CCDC192: variants seen among roughly 807,000 people sequenced by gnomAD.
CCDC192 encodes the protein coiled-coil domain containing 192, also known as coiled-coil domain-containing protein 192.
intron 5 of CCDC192, among the ~76,000 whole-genome samples, chr5:127,840,877 G>C (rs746443382): frequency 6.6e-6 from 1 of 152,148 alleles, no homozygotes; most frequent in Non-Finnish European, 1.5e-5. Flanking sequence ...TACCATGTGG[G>C]TTTTTAAGTT....
At chr5:127,749,232 G>T (rs199571317) in intron 2 of CCDC192, among the ~76,000 whole-genome samples, 2,869 of 151,886 alleles carry the variant, frequency 0.019, 84 homozygotes, top group African/African-American at 0.064. Flanking sequence ...CCATTCAGTA[G>T]GATATTGGCT....
At chr5:127,931,418 A>G (rs1340962305) in intron 6 of CCDC192, among the ~76,000 whole-genome samples, 1 of 152,210 alleles carries the variant, frequency 6.6e-6, no homozygotes. Context: ...TGCAAGGACC[A>G]TGGATGCATT....
chr5:127,904,167 C>T (rs115383623), intron 6 of CCDC192, among the ~76,000 whole-genome samples: 57 of 152,176 alleles, frequency 3.7e-4, no homozygotes, highest in African/African-American at 1.2e-3. Flanking sequence ...AAGGGAGCCA[C>T]GAACCAAGAA....
At chr5:127,786,824 C>A in intron 3 of CCDC192, 2 of 541,312 alleles carry the variant, frequency 3.7e-6, no homozygotes, top group South Asian at 3.6e-5. Flanking sequence ...CAGGTGTCTG[C>A]CCCTTTTTTG....
At chr5:127,895,456 ATTAT>A (rs1752853588) in intron 6 of CCDC192, among the ~76,000 whole-genome samples, 5 of 152,226 alleles carry the variant, frequency 3.3e-5, no homozygotes, top group Admixed American at 2.6e-4. Flanking sequence ...GTCTTGAATG[ATTAT>A]TTGTTTTAAT....
intron 2 of CCDC192, among the ~76,000 whole-genome samples, chr5:127,719,534 CAT>C (rs1158638020): frequency 0.12 from 5,042 of 42,144 alleles, 351 homozygotes; most frequent in African/African-American, 0.21. Flanking sequence ...TACACACATA[CAT>C]ATATATATAT....
intron 6 of CCDC192, among the ~76,000 whole-genome samples, chr5:127,939,070 C>T (rs1754277029): frequency 6.6e-6 from 1 of 151,392 alleles, no homozygotes; most frequent in Non-Finnish European, 1.5e-5. Flanking sequence ...AGCTGTTTTC[C>T]CGTTGCTTGT....
At chr5:127,825,464 A>T (rs2127028974) in intron 5 of CCDC192, among the ~76,000 whole-genome samples, 1 of 152,282 alleles carries the variant, frequency 6.6e-6, no homozygotes, top group South Asian at 2.1e-4. Flanking sequence ...TACTTCAAGG[A>T]CAGCCCACTC....
intron 5 of CCDC192, among the ~76,000 whole-genome samples, chr5:127,871,859 A>G (rs537289841): frequency 6.6e-6 from 1 of 152,358 alleles, no homozygotes; most frequent in Non-Finnish European, 1.5e-5. Context: ...AGAAGTAGGA[A>G]AAGAGCACGG....
chr5:127,835,287 G>C (rs1251664883), intron 5 of CCDC192, among the ~76,000 whole-genome samples: 1 of 152,160 alleles, frequency 6.6e-6, no homozygotes, highest in Non-Finnish European at 1.5e-5. Context: ...CACTCCATAT[G>C]GTTCAGCAGT....
chr5:127,800,893 A>T (rs148999088), intron 5 of CCDC192, among the ~76,000 whole-genome samples: 1 of 152,192 alleles, frequency 6.6e-6, no homozygotes, highest in East Asian at 1.9e-4. Context: ...CCACTTCTCT[A>T]GCTCTTTTTA....
chr5:127,893,106 A>G (rs1198336576), intron 6 of CCDC192, among the ~76,000 whole-genome samples: 2 of 152,228 alleles, frequency 1.3e-5, no homozygotes, highest in African/African-American at 2.4e-5. Context: ...GAAGTCAAGC[A>G]GACCTTAGCG....
intron 5 of CCDC192, among the ~76,000 whole-genome samples, chr5:127,860,917 T>G (rs1032691868): frequency 5.9e-5 from 9 of 152,174 alleles, no homozygotes; most frequent in African/African-American, 2.2e-4. Context: ...AAATGACCAG[T>G]TTTCGCTTTC....
At chr5:127,743,883 G>A (rs528966475) in intron 2 of CCDC192, among the ~76,000 whole-genome samples, 1 of 152,136 alleles carries the variant, frequency 6.6e-6, no homozygotes, top group South Asian at 2.1e-4. Flanking sequence ...GAGGTCGGGA[G>A]ATCGAGACCA....
intron 1 of CCDC192, among the ~76,000 whole-genome samples, chr5:127,705,465 G>A (rs1375066859): frequency 6.6e-6 from 1 of 151,902 alleles, no homozygotes; most frequent in Non-Finnish European, 1.5e-5. Context: ...TGACTTTTTT[G>A]CCCAGCATAA....
At chr5:127,821,398 C>A (rs897744201) in intron 5 of CCDC192, among the ~76,000 whole-genome samples, 21 of 152,190 alleles carry the variant, frequency 1.4e-4, no homozygotes, top group Non-Finnish European at 7.3e-5. Context: ...AGGGGACAGC[C>A]TCTTTTTCAG....
chr5:127,721,212 C>A (rs894149590), intron 2 of CCDC192, among the ~76,000 whole-genome samples: 1 of 152,166 alleles, frequency 6.6e-6, no homozygotes, highest in Non-Finnish European at 1.5e-5. Context: ...CAGACCATTT[C>A]TTTGCTCATG....
Position 127,883,434 on chromosome 5 carries a change from A to G in CCDC192, c.535+7773A>G, listed in dbSNP as rs540398885. Among the ~76,000 whole-genome samples the G allele has an allele frequency of 1.2e-4, 18 of 152,348 alleles. 1 individual carries two copies. In the South Asian group the frequency reaches 3.3e-3, roughly 28 times the overall value. ...TATGATAAATTCCTAAGGAGTTTTG[A>G]TATTTGCCTTACAGAAATAGCTCAT... On this transcript the variant is annotated intron_variant, in intron 6 of 6. Transcript: ENST00000514853.
In CCDC192 at chr5:127,797,331, G is replaced by A. The variant is rs553382594; in HGVS notation, c.354+97G>A. The A allele has an allele frequency of 1.6e-4, 60 of 380,262 alleles. No individual in the cohort carries two copies. The South Asian group carries it at 4.9e-3, about 31-fold the overall frequency. The allele number at this position is 380,262 out of a possible 1,614,324, so 23.6% of individuals were successfully genotyped here. A position where few individuals can be genotyped will look rare whatever the true frequency, so the allele number is the denominator to read the frequency against. ...GCCATTTCAGTCTGGATTAAAAGTCGTATTTTTAAGTTCATAATGGTAAAT... is the reference window on the plus strand; with the variant it reads ...GCCATTTCAGTCTGGATTAAAAGTCATATTTTTAAGTTCATAATGGTAAAT... On this transcript the variant is annotated intron_variant, in intron 4 of 6. Transcript: ENST00000514853.
Sources: gnomAD v4.1 joint callset for allele counts (sites outside exome capture counted in the v4.1 genomes callset) on GRCh38, gnomAD v4.1.1 for gene constraint, MANE v1.5 for transcripts, NCBI Gene and HGNC (gene_info 2026-07-23, HGNC 2026-07-21) for gene names.